The following CSTF3 variants were observed in gnomAD, a reference collection of about 807,000 sequenced individuals.
CSTF3 encodes the protein CF-1 77 kDa subunit.
Under a neutral mutation model 105.8 loss-of-function variants are expected in CSTF3, and 29 were observed. The observed-to-expected ratio is 0.27, with a 90% CI of 0.20 to 0.37. The LOEUF is 0.37. CSTF3 is among the 10% of genes least tolerant of loss of function. CSTF3 has a pLI of 1.00. For missense variants in CSTF3, 357 were observed against 879.3 expected (o/e 0.41, Z 7.51); for synonymous variants, 252 against 281.9 (o/e 0.89, Z 1.06).
At chr11:33,126,413 G>A (rs149157927) in intron 3 of CSTF3, among the ~76,000 whole-genome samples, 28 of 151,886 alleles carry the variant, frequency 1.8e-4, no homozygotes, top group South Asian at 4.2e-4. Flanking sequence ...TCAAGCGACC[G>A]CACTCCAGCC....
chr11:33,131,841 C>T (rs1855603216), intron 3 of CSTF3, among the ~76,000 whole-genome samples: 1 of 152,038 alleles, frequency 6.6e-6, no homozygotes, highest in Non-Finnish European at 1.5e-5. Flanking sequence ...TACAGAGACT[C>T]CGTCTCAAAA....
intron 3 of CSTF3, among the ~76,000 whole-genome samples, chr11:33,125,949 G>C (rs537924549): frequency 1.4e-4 from 21 of 152,228 alleles, no homozygotes; most frequent in African/African-American, 4.8e-4. Context: ...ATTCTACCTA[G>C]CAGCCTTAGC....
chr11:33,108,445 T>C, intron 3 of CSTF3, 27 bp from the exon 4 acceptor site: 1 of 1,430,224 alleles, frequency 7.0e-7, no homozygotes, highest in Non-Finnish European at 9.3e-7. Flanking sequence ...AAATATAGAA[T>C]TAATACTATT....
chr11:33,106,170 G>A, intron 5 of CSTF3, 106 bp from the exon 6 acceptor site: 1 of 776,554 alleles, frequency 1.3e-6, no homozygotes, highest in Non-Finnish European at 2.1e-6. Context: ...ACTGCTTTGG[G>A]AGGCCGAGGC....
intron 3 of CSTF3, among the ~76,000 whole-genome samples, chr11:33,120,704 T>C (rs1021674181): frequency 6.6e-6 from 1 of 151,950 alleles, no homozygotes; most frequent in Non-Finnish European, 1.5e-5. Flanking sequence ...GAACAAAGCC[T>C]AACATATAGC....
At chr11:33,133,348 A>C (rs1004073905) in intron 3 of CSTF3, among the ~76,000 whole-genome samples, 1 of 152,188 alleles carries the variant, frequency 6.6e-6, no homozygotes, top group Non-Finnish European at 1.5e-5. Flanking sequence ...TTATCTCCCC[A>C]TTATTTTTTC....
At chr11:33,107,424 T>A (rs1279310694) in intron 5 of CSTF3, among the ~76,000 whole-genome samples, 1 of 152,138 alleles carries the variant, frequency 6.6e-6, no homozygotes, top group Non-Finnish European at 1.5e-5. Context: ...AAATGGCACC[T>A]CAGAAGAAGG....
chr11:33,098,899 C>A, intron 12 of CSTF3, 135 bp from the exon 13 acceptor site: 1 of 1,359,014 alleles, frequency 7.4e-7, no homozygotes, highest in East Asian at 2.4e-5. Context: ...TATAAGCTGA[C>A]AACTAATAAC....
At position 33,099,464 on chromosome 11, in the gene CSTF3, A is replaced by C; in HGVS notation, c.936+144T>G. 1 of 646,342 alleles carries C rather than the reference A, an allele frequency of 1.5e-6. No individual in the cohort carries two copies. Among genetic ancestry groups the C allele is most frequent in the Non-Finnish European group, 2.6e-6 (1 of 379,190 alleles). The allele number at this position is 646,342 out of a possible 1,614,324, so 40.0% of individuals were successfully genotyped here. A position where few individuals can be genotyped will look rare whatever the true frequency, so the allele number is the denominator to read the frequency against. On this transcript the variant is annotated intron_variant, in intron 11 of 20. Transcript: ENST00000323959. The surrounding 1 kb of genome is among the most constrained non-coding windows in gnomAD (Gnocchi z 4.1). ...AATTCTAAGGAGGTCTAATTATATG[A>C]GTGTCACTAAGATTCATATGAACGT...
Position 33,156,265 on chromosome 11 carries a change from C to CA in CSTF3, c.27+5033dup, listed in dbSNP as rs910256543. 5.3e-5 allele frequency among the ~76,000 whole-genome samples: 8 copies of CA among 151,952 alleles called. No homozygotes were observed. In the East Asian group the frequency reaches 7.7e-4, roughly 15 times the overall value. The stretch of plus-strand genomic sequence containing the variant: ...AGAAAGATTTTGGAAAAAATAAATC[C>CA]AAAAAAACACATTGTCCAACACACA... On this transcript the variant is annotated intron_variant, in intron 1 of 20. Coordinates refer to ENST00000323959, the MANE Select transcript of CSTF3 (RefSeq NM_001326.3).
chr11:33,107,522 T>G (rs541852836), intron 5 of CSTF3, among the ~76,000 whole-genome samples: 1 of 152,290 alleles, frequency 6.6e-6, no homozygotes, highest in South Asian at 2.1e-4. Context: ...CAGAGATCCC[T>G]TATATCACTA....
intron 3 of CSTF3, among the ~76,000 whole-genome samples, chr11:33,122,672 T>G (rs1279945791): frequency 1.3e-5 from 2 of 152,022 alleles, no homozygotes; most frequent in African/African-American, 4.8e-5. Flanking sequence ...CCTAGCACTT[T>G]GAGAGGCCAA....
intron 3 of CSTF3, among the ~76,000 whole-genome samples, chr11:33,113,243 A>AAATG (rs56003218): frequency 2.7e-5 from 4 of 145,866 alleles, no homozygotes; most frequent in African/African-American, 7.4e-5. Flanking sequence ...ATAAATAAAT[A>AAATG]AATGAATAAG....
intron 12 of CSTF3, 27 bp from the exon 13 acceptor site, chr11:33,098,791 T>C: frequency 3.5e-6 from 5 of 1,434,528 alleles, no homozygotes; most frequent in Non-Finnish European, 4.7e-6. Context: ...GAAGTGAGTA[T>C]CAACATATGG....
At chr11:33,110,751 A>G (rs531525300) in intron 3 of CSTF3, among the ~76,000 whole-genome samples, 1 of 152,378 alleles carries the variant, frequency 6.6e-6, no homozygotes, top group East Asian at 1.9e-4. Context: ...AAAAACCATT[A>G]GAATGGCAAA....
At chr11:33,111,022 A>G (rs1261156941) in intron 3 of CSTF3, among the ~76,000 whole-genome samples, 1 of 152,120 alleles carries the variant, frequency 6.6e-6, no homozygotes, top group Non-Finnish European at 1.5e-5. Flanking sequence ...CAAGGTCAGG[A>G]GTTCGAGACC....
At position 33,084,902 on chromosome 11, in the gene CSTF3, C is replaced by G. The variant is rs552218054; in HGVS notation, c.*185G>C. 3.6e-4 allele frequency: 242 copies of G among 676,368 alleles called. 2 individuals are homozygous for G. In the South Asian group the frequency reaches 4.3e-3, roughly 12 times the overall value. 41.9% of individuals were successfully genotyped at this position (676,368 alleles called of 1,614,324 possible). A position where few individuals can be genotyped will look rare whatever the true frequency, so the allele number is the denominator to read the frequency against. ...ACCTAATTTTGCTTAGAGCATAGGT[C>G]TGTTCCGTATTCTAAAATTCACACA... On this transcript the variant is annotated 3_prime_UTR_variant, in exon 21 of 21. Transcript: ENST00000323959.
At chr11:33,156,670 T>C (rs1160279176) in intron 1 of CSTF3, 1 of 453,686 alleles carries the variant, frequency 2.2e-6, no homozygotes, top group Non-Finnish European at 4.4e-6. Flanking sequence ...GGATAAGTTA[T>C]ACATTATTTA....
chr11:33,095,698 G>A (rs1855213935), intron 15 of CSTF3, among the ~76,000 whole-genome samples: 1 of 151,342 alleles, frequency 6.6e-6, no homozygotes, highest in Non-Finnish European at 1.5e-5. Flanking sequence ...GCGGGCGCCT[G>A]TAGTCCCAGC....
Sources: gnomAD v4.1 joint callset for allele counts (sites outside exome capture counted in the v4.1 genomes callset) on GRCh38, gnomAD v4.1.1 for gene constraint, Gnocchi (gnomAD v3.1) non-coding constraint, MANE v1.5 for transcripts, NCBI Gene and HGNC (gene_info 2026-07-23, HGNC 2026-07-21) for gene names.